SPOCK1: variants seen among roughly 807,000 people sequenced by gnomAD.
The protein encoded by SPOCK1 is SPARC (osteonectin), cwcv and kazal like domains proteoglycan 1.
SPOCK1 carries 23 observed loss-of-function variants against 55.3 expected under a neutral mutation model. The ratio of observed to expected loss-of-function variants is 0.42; its 90% CI spans 0.30 to 0.59. SPOCK1 has a LOEUF of 0.59. Among genes scored for constraint, SPOCK1 ranks in the 20% least tolerant of loss-of-function variants. The probability of loss-of-function intolerance (pLI) is 0.22; values close to 1 mark genes in which losing one functional copy is unlikely to be tolerated. For synonymous variants in SPOCK1, 226 were observed against 221.0 expected, an observed-to-expected ratio of 1.02 and a Z score of -0.20; for missense variants, 499 against 552.5, an observed-to-expected ratio of 0.90 and a Z score of 0.97.
chr5:137,166,972 T>C (rs555273197), intron 3 of SPOCK1, among the ~76,000 whole-genome samples: 2 of 152,074 alleles, frequency 1.3e-5, no homozygotes, highest in East Asian at 1.9e-4. Flanking sequence ...TATTTATCAA[T>C]AATAACATTG....
chr5:137,164,628 C>T (rs1019119400), intron 3 of SPOCK1, among the ~76,000 whole-genome samples: 2 of 152,188 alleles, frequency 1.3e-5, no homozygotes, highest in Non-Finnish European at 1.5e-5. Context: ...TCCCTGCTTC[C>T]AGGTCATGGC....
chr5:137,158,699 A>C (rs1404144025), intron 3 of SPOCK1, among the ~76,000 whole-genome samples: 1 of 152,038 alleles, frequency 6.6e-6, no homozygotes, highest in African/African-American at 2.4e-5. Context: ...GTGCAGCTGG[A>C]AAGGGGGCAG....
chr5:137,321,522 A>G (rs10064248), intron 2 of SPOCK1, among the ~76,000 whole-genome samples: 34,245 of 152,122 alleles, frequency 0.23, 4,042 homozygotes, highest in East Asian at 0.39. Context: ...ATCAGTGTAT[A>G]TATCAGCAGA....
intron 3 of SPOCK1, among the ~76,000 whole-genome samples, chr5:137,211,568 G>A (rs1726907840): frequency 6.6e-6 from 1 of 152,176 alleles, no homozygotes; most frequent in African/African-American, 2.4e-5. Flanking sequence ...GGAGTGATGA[G>A]TGTCTTTTGT....
At chr5:137,231,485 C>G (rs1337601612) in intron 3 of SPOCK1, among the ~76,000 whole-genome samples, 1 of 152,214 alleles carries the variant, frequency 6.6e-6, no homozygotes, top group Non-Finnish European at 1.5e-5. Flanking sequence ...TATAATTATA[C>G]AGTCTAACAT....
chr5:137,468,797 G>T (rs895608838), intron 2 of SPOCK1, among the ~76,000 whole-genome samples: 30 of 152,100 alleles, frequency 2.0e-4, no homozygotes, highest in South Asian at 4.1e-4. Context: ...AACGAAGCAG[G>T]CATGATCACA....
intron 3 of SPOCK1, among the ~76,000 whole-genome samples, chr5:137,183,276 A>C (rs149138727): frequency 6.6e-6 from 1 of 152,332 alleles, no homozygotes; most frequent in Non-Finnish European, 1.5e-5. Context: ...GGTATGAAGC[A>C]ACATGCATGG....
At chr5:137,304,033 T>C (rs1369047564) in intron 2 of SPOCK1, among the ~76,000 whole-genome samples, 1 of 150,358 alleles carries the variant, frequency 6.7e-6, no homozygotes, top group Non-Finnish European at 1.5e-5. Context: ...ATCTATCTAC[T>C]TTTAGATGAC....
chr5:137,074,789 C>T (rs954503447), intron 5 of SPOCK1, among the ~76,000 whole-genome samples: 2 of 152,114 alleles, frequency 1.3e-5, no homozygotes, highest in African/African-American at 4.8e-5. Flanking sequence ...ACTGCAAGCT[C>T]CACCTCCCAG....
At chr5:137,234,501 T>C (rs1756135151) in intron 3 of SPOCK1, among the ~76,000 whole-genome samples, 1 of 152,204 alleles carries the variant, frequency 6.6e-6, no homozygotes, top group African/African-American at 2.4e-5. Flanking sequence ...CAGCGTTTAT[T>C]ATCATATTTA....
At chr5:137,315,961 C>A (rs1216758729) in intron 2 of SPOCK1, among the ~76,000 whole-genome samples, 1 of 152,198 alleles carries the variant, frequency 6.6e-6, no homozygotes, top group Admixed American at 6.5e-5. Flanking sequence ...GGAAAGCAGA[C>A]TGCCTTCTGA....
intron 2 of SPOCK1, among the ~76,000 whole-genome samples, chr5:137,271,036 T>TA (rs1340541446): frequency 6.6e-6 from 1 of 151,892 alleles, no homozygotes; most frequent in Non-Finnish European, 1.5e-5. Flanking sequence ...AATTAATTTT[T>TA]AAAAAGTCAC....
intron 3 of SPOCK1, among the ~76,000 whole-genome samples, chr5:137,240,199 G>A: frequency 6.6e-6 from 1 of 152,320 alleles, no homozygotes; most frequent in East Asian, 1.9e-4. Flanking sequence ...CTTGGACAGT[G>A]TATTAAACCA....
intron 2 of SPOCK1, chr5:137,313,620 C>T: frequency 3.2e-6 from 1 of 316,342 alleles, no homozygotes; most frequent in Middle Eastern, 1.6e-3. Flanking sequence ...TGCTACTTTG[C>T]ACAAATATAG....
rs753574851 is a variant in SPOCK1, at chr5:137,292,426, T to TAAA, written c.187-25374_187-25372dup. Reference sequence around the variant, plus strand: ...TATGCTGTCCATTCACTGGTGTAGTTAAAAAAAAAAAAAAAAAAAAAAAAA... The same window carrying TAAA: ...TATGCTGTCCATTCACTGGTGTAGTTAAAAAAAAAAAAAAAAAAAAAAAAAAAA... On this transcript the variant is annotated intron_variant, in intron 2 of 10. Transcript: ENST00000394945. Among the ~76,000 whole-genome samples, 12 of 38,006 alleles carry TAAA rather than the reference T, an allele frequency of 3.2e-4. 1 individual carries two copies. The highest frequency in any genetic ancestry group is 1.7e-3 in the East Asian group (2 of 1,144). The allele number at this position is 38,006 out of a possible 152,430, so 24.9% of individuals were successfully genotyped here.
intron 2 of SPOCK1, among the ~76,000 whole-genome samples, chr5:137,398,955 T>G (rs1751915100): frequency 6.6e-6 from 1 of 151,996 alleles, no homozygotes; most frequent in Non-Finnish European, 1.5e-5. Context: ...TGCAAGCAAC[T>G]AGGGAGAACT....
intron 2 of SPOCK1, among the ~76,000 whole-genome samples, chr5:137,382,844 A>T (rs1751504004): frequency 6.6e-6 from 1 of 152,240 alleles, no homozygotes; most frequent in Non-Finnish European, 1.5e-5. Flanking sequence ...CAGCTTAAAC[A>T]TATTCACCTT....
At chr5:137,119,128 G>T (rs1011310729) in intron 4 of SPOCK1, among the ~76,000 whole-genome samples, 4 of 152,184 alleles carry the variant, frequency 2.6e-5, no homozygotes, top group Non-Finnish European at 2.9e-5. Flanking sequence ...AGACCTGTCA[G>T]CTCAAAGGGA....
intron 6 of SPOCK1, among the ~76,000 whole-genome samples, chr5:137,044,966 C>A (rs868144617): frequency 7.2e-6 from 1 of 138,594 alleles, no homozygotes; most frequent in African/African-American, 2.7e-5. Context: ...CTACAAAGGA[C>A]ATGAACTCAT....
Sources: allele counts gnomAD v4.1 joint callset (sites outside exome capture counted in the v4.1 genomes callset), GRCh38; gene constraint gnomAD v4.1.1; transcripts MANE v1.5; gene names NCBI Gene and HGNC (gene_info 2026-07-23, HGNC 2026-07-21).